The following PCCA variants were observed in gnomAD, a reference collection of about 807,000 sequenced individuals.
The protein encoded by PCCA is propionyl-CoA carboxylase subunit alpha.
PCCA carries 74 observed loss-of-function variants against 101.3 expected under a neutral mutation model. That is an observed-to-expected ratio of 0.73 (90% CI 0.61 to 0.89). PCCA has a LOEUF of 0.89. PCCA is among the 40% of genes least tolerant of loss of function. The probability of loss-of-function intolerance (pLI) is 0.00; values close to 1 mark genes in which losing one functional copy is unlikely to be tolerated. For synonymous variants in PCCA, 294 were observed against 313.6 expected (o/e 0.94, Z 0.66); for missense variants, 891 against 907.0 (o/e 0.98, Z 0.23).
chr13:100,176,846 A>G (rs1043445898), intron 6 of PCCA, among the ~76,000 whole-genome samples: 2 of 152,190 alleles, frequency 1.3e-5, no homozygotes, highest in African/African-American at 4.8e-5. Flanking sequence ...GCAAGTCTTG[A>G]GAATATTAGT....
chr13:100,437,767 C>G (rs1342940350), intron 20 of PCCA, among the ~76,000 whole-genome samples: 1 of 152,116 alleles, frequency 6.6e-6, no homozygotes, highest in African/African-American at 2.4e-5. Flanking sequence ...CTCCCAGACT[C>G]AAGCAATTCT....
At chr13:100,281,579 A>G (rs2064125262) in intron 12 of PCCA, among the ~76,000 whole-genome samples, 1 of 152,172 alleles carries the variant, frequency 6.6e-6, no homozygotes, top group Non-Finnish European at 1.5e-5. Flanking sequence ...CAGAATTTAT[A>G]ATACTTTGTT....
At chr13:100,344,594 T>C in intron 18 of PCCA, among the ~76,000 whole-genome samples, 1 of 152,194 alleles carries the variant, frequency 6.6e-6, no homozygotes, top group South Asian at 2.1e-4. Context: ...GTGTGCTCCA[T>C]AGAGCGCTAG....
In PCCA at chr13:100,279,099, C is replaced by T. The variant is rs150201207; in HGVS notation, c.1065+5753C>T. Among the ~76,000 whole-genome samples, 803 of 152,228 alleles carry T rather than the reference C, an allele frequency of 5.3e-3. 6 individuals carry two copies. The highest frequency in any genetic ancestry group is 0.019 in the African/African-American group (774 of 41,530). ...TGAGAAAATATTTCACTAATACCTG[C>T]GCTTAGCAAACGTCCCAAGGTCTCT... On this transcript the variant is annotated intron_variant, in intron 12 of 23. Coordinates refer to ENST00000376285, the MANE Select transcript of PCCA (RefSeq NM_000282.4).
In PCCA at chr13:100,340,188, G is replaced by C. The variant is rs759944771; in HGVS notation, c.1572G>C (p.Gln524His). ...GHMLTKSEKN[Q>H]LLAIASSLFV... ...TGCTAACCAAGAGTGAGAAGAACCAGTTATTGGCAATAGCATCATCATTGT... is the reference window on the plus strand; with the variant it reads ...TGCTAACCAAGAGTGAGAAGAACCACTTATTGGCAATAGCATCATCATTGT... Residue 524 changes from glutamine to histidine, a missense_variant, in exon 18 of 24, where the codon CAG becomes CAC. Gln to His is a conservative substitution (Grantham distance 24, BLOSUM62 0). Coordinates refer to ENST00000376285, the MANE Select transcript of PCCA (RefSeq NM_000282.4). The C allele has an allele frequency of 9.3e-6, 15 of 1,608,978 alleles. No individual in the cohort carries two copies. In the South Asian group the frequency reaches 1.5e-4, roughly 17 times the overall value.
In PCCA at chr13:100,308,928, A is replaced by G. The variant is rs954222699; in HGVS notation, c.1354-905A>G. Among the ~76,000 whole-genome samples the G allele has an allele frequency of 4.6e-5, 7 of 152,216 alleles. No homozygotes were observed. In the East Asian group the frequency reaches 5.8e-4, roughly 13 times the overall value. Reference sequence around the variant, plus strand: ...TCATTGCCAAATTATAGAGATACATATAAGTAGGCACTAAATCATGTAGAA... The same window carrying G: ...TCATTGCCAAATTATAGAGATACATGTAAGTAGGCACTAAATCATGTAGAA... On this transcript the variant is annotated intron_variant, in intron 15 of 23. Transcript: ENST00000376285.
intron 6 of PCCA, among the ~76,000 whole-genome samples, chr13:100,208,898 T>G (rs1014758727): frequency 1.3e-5 from 2 of 152,234 alleles, no homozygotes; most frequent in East Asian, 3.8e-4. Flanking sequence ...ATCTCCTGTG[T>G]TTAGCTCAGA....
chr13:100,417,952 C>G (rs1287808853), intron 19 of PCCA, among the ~76,000 whole-genome samples: 1 of 152,098 alleles, frequency 6.6e-6, no homozygotes, highest in Non-Finnish European at 1.5e-5. Flanking sequence ...TCAGTCTTCA[C>G]TACCTCATCT....
At position 100,530,414 on chromosome 13, in the gene PCCA, T is replaced by C; in HGVS notation, c.*248T>C. 1.7e-6 allele frequency: 1 copy of C among 583,780 alleles called. No homozygotes were observed. The highest frequency in any genetic ancestry group is 2.0e-5 in the South Asian group (1 of 50,018). 36.2% of individuals were successfully genotyped at this position (583,780 alleles called of 1,614,324 possible). A position where few individuals can be genotyped will look rare whatever the true frequency, so the allele number is the denominator to read the frequency against. On this transcript the variant is annotated 3_prime_UTR_variant, in exon 24 of 24. Transcript: ENST00000376285. Reference sequence around the variant, plus strand: ...TTCCCTAGTGTCAAAATTAAATCAATAAAACTGAGCATTTGTCTAAATATT... The same window carrying C: ...TTCCCTAGTGTCAAAATTAAATCAACAAAACTGAGCATTTGTCTAAATATT...
At chr13:100,476,437 A>G (rs1035655612) in intron 21 of PCCA, among the ~76,000 whole-genome samples, 2 of 152,206 alleles carry the variant, frequency 1.3e-5, no homozygotes, top group African/African-American at 4.8e-5. Flanking sequence ...GATAACTGAC[A>G]CTGTATTTAA....
intron 7 of PCCA, among the ~76,000 whole-genome samples, chr13:100,214,364 A>G (rs2152486718): frequency 6.6e-6 from 1 of 150,754 alleles, no homozygotes; most frequent in Non-Finnish European, 1.5e-5. Flanking sequence ...ATCTCTTTGC[A>G]TCTTTTGTGT....
chr13:100,332,185 G>T (rs111670057), intron 17 of PCCA, among the ~76,000 whole-genome samples: 1 of 151,948 alleles, frequency 6.6e-6, no homozygotes, highest in Non-Finnish European at 1.5e-5. Context: ...TGATCTGCCC[G>T]CCTCGGCCTC....
chr13:100,341,957 G>GTGTATATATATATATATATA (rs371378776), intron 18 of PCCA, among the ~76,000 whole-genome samples: 21 of 107,144 alleles, frequency 2.0e-4, no homozygotes, highest in African/African-American at 9.0e-4. Context: ...ACCCTTCAAA[G>GTGTATATATATATATATATA]TATATATATA....
rs528460435 is a variant in PCCA at position 100,214,447 on chromosome 13, A to G, written c.600+4984A>G. On this transcript the variant is annotated intron_variant, in intron 7 of 23. Transcript: ENST00000376285. ...TGTGTGTGTGTGTTTTTTTTTTTAG[A>G]TGGAACCTCGCTCTGTTGCCAGGCT... Among the ~76,000 whole-genome samples, 69 of 150,030 alleles carry G rather than the reference A, an allele frequency of 4.6e-4. 1 individual carries two copies. Among genetic ancestry groups the G allele is most frequent in the African/African-American group, 1.5e-3 (63 of 40,792 alleles).
chr13:100,494,455 A>G (rs2085126546), intron 21 of PCCA, among the ~76,000 whole-genome samples: 1 of 152,110 alleles, frequency 6.6e-6, no homozygotes, highest in Non-Finnish European at 1.5e-5. Context: ...AGGCCGAGGC[A>G]GGTGGATCAC....
chr13:100,292,740 CAT>C (rs1489607574), intron 12 of PCCA, among the ~76,000 whole-genome samples: 2 of 152,162 alleles, frequency 1.3e-5, no homozygotes, highest in Non-Finnish European at 2.9e-5. Flanking sequence ...TGTGAACAAA[CAT>C]ATTTGAAATA....
intron 21 of PCCA, among the ~76,000 whole-genome samples, chr13:100,459,510 A>T (rs185452542): frequency 2.8e-3 from 426 of 152,350 alleles, no homozygotes; most frequent in African/African-American, 9.4e-3. Context: ...TCAAAAATGC[A>T]GGAACACTGA....
rs2062596950 is a variant in PCCA, at chr13:100,262,595, A to G, written c.717-134A>G. ...CTTTTTTCAGAATAAGCCAAAATAA[A>G]TATTTAATCGATTGTGTTTTCTTTT... is the stretch of plus-strand genomic sequence containing the variant. On this transcript the variant is annotated intron_variant, in intron 9 of 23. Coordinates refer to ENST00000376285, the MANE Select transcript of PCCA (RefSeq NM_000282.4). 7.6e-6 allele frequency: 5 copies of G among 657,496 alleles called. No homozygotes were observed. The South Asian group carries it at 9.3e-5, about 12-fold the overall frequency. 40.7% of individuals were successfully genotyped at this position (657,496 alleles called of 1,614,324 possible). A position where few individuals can be genotyped will look rare whatever the true frequency, so the allele number is the denominator to read the frequency against.
chr13:100,484,258 C>T lies in PCCA; in HGVS notation c.1900-31169C>T, dbSNP rs193260264. ...GATCCTTAAGCTGAAACTGTAAGGA[C>T]TGTGTCCCTATTTTAAGTCTTTAGC... is the stretch of plus-strand genomic sequence containing the variant. On this transcript the variant is annotated intron_variant, in intron 21 of 23. Coordinates refer to ENST00000376285, the MANE Select transcript of PCCA (RefSeq NM_000282.4). Among the ~76,000 whole-genome samples, 27 of 152,226 alleles carry T rather than the reference C, an allele frequency of 1.8e-4. 1 individual carries two copies. The East Asian group carries it at 5.0e-3, about 28-fold the overall frequency.
Sources: allele counts gnomAD v4.1 joint callset (sites outside exome capture counted in the v4.1 genomes callset), GRCh38; gene constraint gnomAD v4.1.1; transcripts MANE v1.5; gene names NCBI Gene and HGNC (gene_info 2026-07-23, HGNC 2026-07-21).